ATG10: variants seen among roughly 807,000 people sequenced by gnomAD.
ATG10 encodes the protein autophagy related 10, also known as ubiquitin-like-conjugating enzyme ATG10.
Under a neutral mutation model 32.1 loss-of-function variants are expected in ATG10, and 30 were observed. That is an observed-to-expected ratio of 0.94 (90% CI 0.70 to 1.27). ATG10 has a LOEUF of 1.27. Among genes scored for constraint, ATG10 ranks in the 50% most tolerant of loss-of-function variants. The pLI is 0.00. For synonymous variants in ATG10, 87 were observed against 91.5 expected (o/e 0.95, Z 0.28); for missense variants, 233 against 262.3 (o/e 0.89, Z 0.77).
At chr5:82,089,089 C>T (rs1023547864) in intron 3 of ATG10, among the ~76,000 whole-genome samples, 15 of 152,086 alleles carry the variant, frequency 9.9e-5, no homozygotes, top group Non-Finnish European at 1.6e-4. Context: ...TGGTGGCTCA[C>T]GCCTGTAATC....
At chr5:82,223,057 G>A (rs983504449) in intron 5 of ATG10, among the ~76,000 whole-genome samples, 2 of 152,200 alleles carry the variant, frequency 1.3e-5, no homozygotes, top group African/African-American at 4.8e-5. Context: ...TTTACTCTGT[G>A]AGGAAATGAT....
chr5:81,989,232 G>T (rs1761382524), intron 2 of ATG10, among the ~76,000 whole-genome samples: 2 of 152,202 alleles, frequency 1.3e-5, no homozygotes, highest in African/African-American at 4.8e-5. Flanking sequence ...GATGAATCCT[G>T]ATTCTCTGCT....
chr5:82,023,058 C>A (rs1302331667), intron 2 of ATG10, among the ~76,000 whole-genome samples: 1 of 127,072 alleles, frequency 7.9e-6, no homozygotes, highest in African/African-American at 3.6e-5. Flanking sequence ...TCTCAATGCT[C>A]CCCCCCTGCC....
intron 2 of ATG10, among the ~76,000 whole-genome samples, chr5:82,010,269 A>G (rs1246993495): frequency 1.3e-5 from 2 of 152,126 alleles, no homozygotes; most frequent in African/African-American, 4.8e-5. Flanking sequence ...TACAATTGTG[A>G]TTATTTTGGC....
At chr5:81,978,150 A>G (rs543215693) in intron 1 of ATG10, among the ~76,000 whole-genome samples, 1 of 152,082 alleles carries the variant, frequency 6.6e-6, no homozygotes, top group Admixed American at 6.5e-5. Context: ...GCTCATTGCA[A>G]CCTCTGCCTC....
chr5:82,016,427 C>T (rs544031353), intron 2 of ATG10, among the ~76,000 whole-genome samples: 2 of 152,178 alleles, frequency 1.3e-5, no homozygotes, highest in Non-Finnish European at 2.9e-5. Flanking sequence ...CTGTGCTGTT[C>T]TGTTGGTCTA....
chr5:82,142,790 A>G (rs1037676658), intron 3 of ATG10, among the ~76,000 whole-genome samples: 2 of 152,182 alleles, frequency 1.3e-5, no homozygotes, highest in East Asian at 3.9e-4. Flanking sequence ...GGAAATTGGG[A>G]AGAGATCACA....
intron 3 of ATG10, among the ~76,000 whole-genome samples, chr5:82,082,943 G>A (rs1254023236): frequency 3.3e-5 from 5 of 152,196 alleles, no homozygotes; most frequent in Admixed American, 3.3e-4. Flanking sequence ...CACAGAAGAT[G>A]GGTGATTTCT....
At chr5:82,203,650 G>A (rs185990203) in intron 5 of ATG10, among the ~76,000 whole-genome samples, 40 of 152,034 alleles carry the variant, frequency 2.6e-4, no homozygotes, top group Non-Finnish European at 4.9e-4. Context: ...GTAAGCCAGG[G>A]GAGTTTAATC....
chr5:82,202,152 G>C (rs1036010592), intron 5 of ATG10, among the ~76,000 whole-genome samples: 1 of 152,156 alleles, frequency 6.6e-6, no homozygotes, highest in African/African-American at 2.4e-5. Flanking sequence ...ATGTTGAATA[G>C]CAATGATATG....
rs540850595 is a variant in ATG10, at chr5:82,201,715, G to A, written c.453+23128G>A. 4.6e-5 allele frequency among the ~76,000 whole-genome samples: 7 copies of A among 152,308 alleles called. No homozygotes were observed. The South Asian group carries it at 1.4e-3, about 32-fold the overall frequency. On this transcript the variant is annotated intron_variant, in intron 5 of 7. Transcript: ENST00000282185. Reference sequence around the variant, plus strand: ...TTTTAACTGGGATTGTGTTGGATCTGTGGGTTGATTTGGAAAGAATTAACA... The same window carrying A: ...TTTTAACTGGGATTGTGTTGGATCTATGGGTTGATTTGGAAAGAATTAACA...
chr5:82,143,785 G>A (rs1767241615), intron 3 of ATG10, among the ~76,000 whole-genome samples: 1 of 152,148 alleles, frequency 6.6e-6, no homozygotes, highest in Non-Finnish European at 1.5e-5. Context: ...ACGGGATATT[G>A]ACTTACAGTT....
intron 3 of ATG10, among the ~76,000 whole-genome samples, chr5:82,139,532 A>C (rs1272863627): frequency 1.5e-4 from 18 of 121,066 alleles, no homozygotes; most frequent in South Asian, 5.7e-4. Context: ...TGCCCGGCCG[A>C]GACCCCGTCT....
chr5:82,237,780 A>G (rs1211526913), intron 5 of ATG10, among the ~76,000 whole-genome samples: 3 of 152,170 alleles, frequency 2.0e-5, no homozygotes, highest in Admixed American at 2.0e-4. Context: ...TATAACAGTT[A>G]TTTCTGTAAT....
At chr5:82,063,903 A>C (rs1184031031) in intron 3 of ATG10, among the ~76,000 whole-genome samples, 1 of 152,186 alleles carries the variant, frequency 6.6e-6, no homozygotes, top group Non-Finnish European at 1.5e-5. Context: ...TGGGTGATGA[A>C]ATAATCTGCA....
chr5:82,182,988 T>C (rs1215084941), intron 5 of ATG10, among the ~76,000 whole-genome samples: 1 of 152,052 alleles, frequency 6.6e-6, no homozygotes, highest in Non-Finnish European at 1.5e-5. Context: ...CAAGTGATCC[T>C]CCTGCCTTGG....
chr5:82,138,163 C>T (rs1766848223), intron 3 of ATG10, among the ~76,000 whole-genome samples: 1 of 152,178 alleles, frequency 6.6e-6, no homozygotes. Flanking sequence ...TTGCTGGGCT[C>T]CCCAGGGGTG....
At chr5:82,066,115 T>C (rs1014130575) in intron 3 of ATG10, among the ~76,000 whole-genome samples, 1 of 152,146 alleles carries the variant, frequency 6.6e-6, no homozygotes, top group Non-Finnish European at 1.5e-5. Flanking sequence ...TATCTGAAAG[T>C]ATTTCCTATG....
chr5:82,131,133 G>A lies in ATG10; in HGVS notation c.217-33266G>A, dbSNP rs185643070. On this transcript the variant is annotated intron_variant, in intron 3 of 7. Coordinates refer to ENST00000282185, the MANE Select transcript of ATG10 (RefSeq NM_031482.5). ...TATCAGGAACTACTGCCTGGGTCAC[G>A]GGATCCATACTCCAAATCCCAGCAT... 2.6e-5 allele frequency among the ~76,000 whole-genome samples: 4 copies of A among 152,152 alleles called. No individual in the cohort carries two copies. In the East Asian group the frequency reaches 5.8e-4, roughly 22 times the overall value.
Sources: gnomAD v4.1 joint callset for allele counts (sites outside exome capture counted in the v4.1 genomes callset) on GRCh38, gnomAD v4.1.1 for gene constraint, MANE v1.5 for transcripts, NCBI Gene and HGNC (gene_info 2026-07-23, HGNC 2026-07-21) for gene names.